NFATC2IP: variants seen among roughly 807,000 people sequenced by gnomAD.
NFATC2IP encodes nuclear factor of activated T cells 2 interacting protein.
Under a neutral mutation model 40.2 loss-of-function variants are expected in NFATC2IP, and 25 were observed. The observed-to-expected ratio is 0.62, with a 90% confidence interval of 0.45 to 0.87. The LOEUF (loss-of-function observed/expected upper bound fraction) is 0.87, where lower values mean the gene tolerates loss of function less well. NFATC2IP is among the 40% of genes least tolerant of loss of function. The probability of loss-of-function intolerance (pLI) is 0.00; values close to 1 mark genes in which losing one functional copy is unlikely to be tolerated. For missense variants in NFATC2IP, 553 were observed against 555.6 expected, an observed-to-expected ratio of 1.00 and a Z score of 0.05; for synonymous variants, 241 against 236.3, an observed-to-expected ratio of 1.02 and a Z score of -0.18.
chr16:28,954,655 AAGAAG>A lies in NFATC2IP; in HGVS notation c.558_562del (p.Lys188AspfsTer32). The A allele has an allele frequency of 6.2e-7, 1 of 1,613,404 alleles. No homozygotes were observed. ...AAGACAAAGCTGAGGACTAAGGATA[AAGAAG>A]AGAAGAAAAAGACAGAGTTTCTGTG... On this transcript the variant is annotated frameshift_variant, in exon 3 of 8. Transcript: ENST00000320805. LOFTEE classifies it high-confidence loss of function.
At chr16:28,962,630 C>T (rs1965099842) in intron 7 of NFATC2IP, among the ~76,000 whole-genome samples, 1 of 152,150 alleles carries the variant, frequency 6.6e-6, no homozygotes, top group African/African-American at 2.4e-5. Flanking sequence ...CCAGTCAACT[C>T]ATTAGCATGC....
In NFATC2IP at chr16:28,950,994, T is replaced by G. The variant is rs768398063; in HGVS notation, c.-18T>G. ...GAGGCGAGAGGAGGCGGGCGTGTGTTGTGGAGGAAAGTGTGCCATGGCGGA... is the reference window on the plus strand; with the variant it reads ...GAGGCGAGAGGAGGCGGGCGTGTGTGGTGGAGGAAAGTGTGCCATGGCGGA... On this transcript the variant is annotated 5_prime_UTR_variant, in exon 1 of 8. Transcript: ENST00000320805. The G allele has an allele frequency of 2.0e-5, 29 of 1,479,494 alleles. No individual in the cohort carries two copies. Among genetic ancestry groups the G allele is most frequent in the Middle Eastern group, 2.2e-4 (1 of 4,460 alleles). The allele number at this position is 1,479,494 out of a possible 1,614,324, so 91.6% of individuals were successfully genotyped here. A position where few individuals can be genotyped will look rare whatever the true frequency, so the allele number is the denominator to read the frequency against.
chr16:28,953,926 AAAAAG>A lies in NFATC2IP; in HGVS notation c.461-634_461-630del, dbSNP rs1411015260. Among the ~76,000 whole-genome samples, 3 of 146,170 alleles carry A rather than the reference AAAAAG, an allele frequency of 2.1e-5. 1 individual carries two copies. The highest frequency in any genetic ancestry group is 4.6e-5 in the Non-Finnish European group (3 of 64,820). On this transcript the variant is annotated intron_variant, in intron 2 of 7. Coordinates refer to ENST00000320805, the MANE Select transcript of NFATC2IP (RefSeq NM_032815.4). ...CAGTAGGACCTGGTCTCAAAAAAAA[AAAAAG>A]AAAAACGAAATGCAGAATCATAGGC...
At chr16:28,960,748 A>C (rs2141647163) in intron 7 of NFATC2IP, among the ~76,000 whole-genome samples, 1 of 152,222 alleles carries the variant, frequency 6.6e-6, no homozygotes. Context: ...TGGGAGATCA[A>C]GGTTGTAGTG....
chr16:28,962,515 T>C (rs1965098953), intron 7 of NFATC2IP, among the ~76,000 whole-genome samples: 1 of 152,132 alleles, frequency 6.6e-6, no homozygotes, highest in African/African-American at 2.4e-5. Flanking sequence ...CTCTCCCTCC[T>C]TCTTGGAGGT....
chr16:28,962,500 T>G (rs1468230473), intron 7 of NFATC2IP, among the ~76,000 whole-genome samples: 1 of 152,110 alleles, frequency 6.6e-6, no homozygotes, highest in Non-Finnish European at 1.5e-5. Flanking sequence ...GACTCAACCT[T>G]CACTCTCTCC....
At chr16:28,959,238 G>T in intron 7 of NFATC2IP, 138 bp downstream of exon 7, 1 of 614,048 alleles carries the variant, frequency 1.6e-6, no homozygotes, top group Non-Finnish European at 3.0e-6. Flanking sequence ...TGGGTTCCCA[G>T]CCATCCTAGG....
intron 2 of NFATC2IP, 46 bp from the exon 3 acceptor site, chr16:28,954,519 C>T (rs773142103): frequency 1.5e-6 from 2 of 1,339,178 alleles, no homozygotes; most frequent in Admixed American, 3.7e-5. Flanking sequence ...CCTTCGCTGG[C>T]CTCCCTTGGA....
Position 28,952,158 on chromosome 16 carries a change from A to G in NFATC2IP, c.414A>G (p.Pro138=). Residue 138 remains proline (P), a synonymous_variant, in exon 2 of 8, where the codon CCA becomes CCG. Coordinates refer to ENST00000320805, the MANE Select transcript of NFATC2IP (RefSeq NM_032815.4). ...TTAAAAGCAGCCTTCGCCTTATCCC[A>G]GATGATCTATCCCTCCTGAAACTCT... ...GKVKSSLRLI[P]DDLSLLKLYP... The G allele has an allele frequency of 6.2e-7, 1 of 1,614,024 alleles. No individual in the cohort carries two copies. The highest frequency in any genetic ancestry group is 2.2e-5 in the East Asian group (1 of 44,878).
intron 7 of NFATC2IP, among the ~76,000 whole-genome samples, chr16:28,961,634 C>G (rs913812127): frequency 1.3e-5 from 2 of 151,920 alleles, no homozygotes; most frequent in Non-Finnish European, 2.9e-5. Flanking sequence ...GACGTGGTGG[C>G]TCACGCCTGT....
In NFATC2IP at chr16:28,961,899, C is replaced by CAAAAA. The variant is rs1161300546; in HGVS notation, c.1102-1786_1102-1782dup. ...TGGGCGACAGAGCTAGACTTCGTCTCAAAAAAAAAAAAAAAAAAAAAAAAG... is the reference window on the plus strand; with the variant it reads ...TGGGCGACAGAGCTAGACTTCGTCTCAAAAAAAAAAAAAAAAAAAAAAAAAAAAAG... On this transcript the variant is annotated intron_variant, in intron 7 of 7. Transcript: ENST00000320805. 8.1e-4 allele frequency among the ~76,000 whole-genome samples: 40 copies of CAAAAA among 49,122 alleles called. 1 individual carries two copies. Among genetic ancestry groups the CAAAAA allele is most frequent in the Non-Finnish European group, 1.3e-3 (31 of 23,754 alleles). 32.2% of individuals were successfully genotyped at this position (49,122 alleles called of 152,430 possible).
In NFATC2IP at chr16:28,964,391, G is replaced by T. The variant is rs9922735; in HGVS notation, c.*528G>T. Reference sequence around the variant, plus strand: ...CAAGCTCACACATGCTGGCTGAAGCGTAAGCAGACAACTGAGGTACTCTTT... The same window carrying T: ...CAAGCTCACACATGCTGGCTGAAGCTTAAGCAGACAACTGAGGTACTCTTT... On this transcript the variant is annotated 3_prime_UTR_variant, in exon 8 of 8. Coordinates refer to ENST00000320805, the MANE Select transcript of NFATC2IP (RefSeq NM_032815.4). 6.4e-6 allele frequency: 1 copy of T among 155,612 alleles called. No individual in the cohort carries two copies. Among genetic ancestry groups the T allele is most frequent in the Admixed American group, 6.2e-5 (1 of 16,038 alleles). 9.6% of individuals were successfully genotyped at this position (155,612 alleles called of 1,614,324 possible).
chr16:28,963,511 G>T (rs1270132218), intron 7 of NFATC2IP, among the ~76,000 whole-genome samples, 194 bp from the exon 8 acceptor site: 1 of 152,204 alleles, frequency 6.6e-6, no homozygotes, highest in Non-Finnish European at 1.5e-5. Context: ...GGGATGACAG[G>T]ATTCGTCCCA....
chr16:28,958,379 T>C (rs1965044781), intron 5 of NFATC2IP: 1 of 180,966 alleles, frequency 5.5e-6, no homozygotes, highest in Non-Finnish European at 1.1e-5. Context: ...AAGAAAAATA[T>C]AGGAAGATGT....
intron 7 of NFATC2IP, among the ~76,000 whole-genome samples, chr16:28,959,501 T>C (rs1315863570): frequency 6.6e-6 from 1 of 152,024 alleles, no homozygotes; most frequent in Non-Finnish European, 1.5e-5. Context: ...CACAAAGCAC[T>C]GTTGTTATCC....
Position 28,950,972 on chromosome 16 carries a change from G to A in NFATC2IP, c.-40G>A. Reference sequence around the variant, plus strand: ...AAGTCGCTGAAGGGGGCGGGGCGAGGCGAGAGGAGGCGGGCGTGTGTTGTG... The same window carrying A: ...AAGTCGCTGAAGGGGGCGGGGCGAGACGAGAGGAGGCGGGCGTGTGTTGTG... On this transcript the variant is annotated 5_prime_UTR_variant, in exon 1 of 8. Coordinates refer to ENST00000320805, the MANE Select transcript of NFATC2IP (RefSeq NM_032815.4). 1 of 1,447,702 alleles carries A rather than the reference G, an allele frequency of 6.9e-7. No individual in the cohort carries two copies. The highest frequency in any genetic ancestry group is 1.4e-5 in the South Asian group (1 of 69,048). The allele number at this position is 1,447,702 out of a possible 1,614,324, so 89.7% of individuals were successfully genotyped here.
intron 7 of NFATC2IP, among the ~76,000 whole-genome samples, chr16:28,960,970 T>C (rs1965078773): frequency 6.6e-6 from 1 of 152,078 alleles, no homozygotes; most frequent in Non-Finnish European, 1.5e-5. Flanking sequence ...CCCTTTAATG[T>C]CCATATTTCT....
chr16:28,956,524 A>C, intron 5 of NFATC2IP, 187 bp downstream of exon 5: 2 of 569,898 alleles, frequency 3.5e-6, no homozygotes, highest in African/African-American at 1.9e-5. Flanking sequence ...GCATTTTCCC[A>C]ACGCTCCCCT....
At chr16:28,952,266 G>C (rs924372832) in intron 2 of NFATC2IP, 62 bp downstream of exon 2, 6 of 1,607,014 alleles carry the variant, frequency 3.7e-6, no homozygotes, top group African/African-American at 1.3e-5. Context: ...GAATTCCTGG[G>C]GTTTATATTC....
Sources: allele counts gnomAD v4.1 joint callset (sites outside exome capture counted in the v4.1 genomes callset), GRCh38; gene constraint gnomAD v4.1.1; transcripts MANE v1.5; gene names NCBI Gene and HGNC (gene_info 2026-07-23, HGNC 2026-07-21).